Variants in CT55 observed in about 807,000 individuals in gnomAD.
CT55 encodes cancer/testis antigen 55, also known as BRCA2-interacting protein.
A neutral mutation model predicts 12.6 loss-of-function variants in CT55; 1 was observed. That is an observed-to-expected ratio of 0.08 (90% CI 0.03 to 0.38). The LOEUF (loss-of-function observed/expected upper bound fraction) is 0.38, where lower values mean the gene tolerates loss of function less well. Among genes scored for constraint, CT55 ranks in the 10% least tolerant of loss-of-function variants. The probability of loss-of-function intolerance (pLI) is 0.99; values close to 1 mark genes in which losing one functional copy is unlikely to be tolerated. For synonymous variants in CT55, 43 were observed against 49.7 expected, an observed-to-expected ratio of 0.87 and a Z score of 0.57; for missense variants, 109 against 135.4, an observed-to-expected ratio of 0.80 and a Z score of 0.97.
chrX:135,166,519 T>G (rs782709260), intron 2 of CT55, among the ~76,000 whole-genome samples: 91 of 111,821 alleles, frequency 8.1e-4, no homozygotes, highest in Non-Finnish European at 1.6e-3. Flanking sequence ...GGGGAAGTGT[T>G]GCAGGCTTTT....
At chrX:135,160,660 T>C (rs1309778499) in intron 2 of CT55, 105 bp from the exon 3 acceptor site, 4 of 902,829 alleles carry the variant, frequency 4.4e-6, no homozygotes, top group Non-Finnish European at 6.0e-6. Context: ...ACAGCCATCC[T>C]AAACACTGGA....
At chrX:135,171,506 C>T (rs1406000406), upstream of CT55, 4 of 189,353 alleles carry the variant, frequency 2.1e-5, no homozygotes, top group East Asian at 2.2e-4. Flanking sequence ...GTGGGAACAT[C>T]GTGGCTTCTC....
chrX:135,168,812 G>A (rs2083597856), intron 2 of CT55, among the ~76,000 whole-genome samples: 1 of 111,473 alleles, frequency 9.0e-6, no homozygotes, highest in African/African-American at 3.3e-5. Flanking sequence ...ATACTACAAG[G>A]GCTTCATACA....
intron 3 of CT55, among the ~76,000 whole-genome samples, chrX:135,159,354 G>A (rs1249286023): frequency 7.2e-5 from 8 of 110,790 alleles, no homozygotes; most frequent in African/African-American, 2.6e-4. Flanking sequence ...TTATCCATAT[G>A]CTTACACCAA....
chrX:135,160,614 A>G lies in CT55; in HGVS notation c.280-59T>C, dbSNP rs1221218829. On this transcript the variant is annotated intron_variant, in intron 2 of 5. Coordinates refer to ENST00000276241, the MANE Select transcript of CT55 (RefSeq NM_001031705.3). ...CAATACAAATTTAAACATGGAACTT[A>G]CATGATTAAAAGACTTGTATTCAAA... 2.7e-6 allele frequency: 3 copies of G among 1,109,258 alleles called. No homozygotes were observed. In the African/African-American group the frequency reaches 5.7e-5, roughly 21 times the overall value. 91.4% of individuals were successfully genotyped at this position (1,109,258 alleles called of 1,213,427 possible).
chrX:135,161,411 T>C (rs1182589148), intron 2 of CT55, among the ~76,000 whole-genome samples: 2 of 112,213 alleles, frequency 1.8e-5, no homozygotes, highest in African/African-American at 6.5e-5. Context: ...GTAACACTCA[T>C]CCTGATGTTT....
chrX:135,170,455 G>A (rs1472193426), intron 1 of CT55, among the ~76,000 whole-genome samples: 1 of 112,109 alleles, frequency 8.9e-6, no homozygotes, highest in Admixed American at 9.4e-5. Context: ...TCACCAACAT[G>A]ATGAGTAGCA....
intron 2 of CT55, among the ~76,000 whole-genome samples, chrX:135,167,246 G>T (rs1556406162): frequency 9.0e-6 from 1 of 111,492 alleles, no homozygotes; most frequent in Non-Finnish European, 1.9e-5. Flanking sequence ...TATAAAAACG[G>T]ACACATCAAC....
At chrX:135,163,539 G>A (rs1337052896) in intron 2 of CT55, among the ~76,000 whole-genome samples, 4 of 110,583 alleles carry the variant, frequency 3.6e-5, no homozygotes, top group Admixed American at 1.9e-4. Flanking sequence ...GGAAGGACAC[G>A]GAATGAAAAA....
intron 2 of CT55, among the ~76,000 whole-genome samples, chrX:135,161,542 A>G (rs1464012023): frequency 8.9e-6 from 1 of 112,362 alleles, no homozygotes; most frequent in African/African-American, 3.2e-5. Flanking sequence ...ACAAGAGAGG[A>G]CGGAAAGAGT....
At position 135,171,134 on chromosome X, in the gene CT55, C is replaced by T; in HGVS notation, c.38G>A (p.Gly13Glu). 8.3e-7 allele frequency: 1 copy of T among 1,211,604 alleles called. No homozygotes were observed. The highest frequency in any genetic ancestry group is 1.1e-6 in the Non-Finnish European group (1 of 895,413). The change falls in exon 1 of 6, where the codon GGG becomes GAG. Residue 13 changes from glycine to glutamate, a missense_variant. Transcript: ENST00000276241. Reference protein sequence around the residue: ...RLLRLALAFYGRTADPAERQG... With the variant: ...RLLRLALAFYERTADPAERQG... ...TCGCTCTGCAGGGTCGGCCGTCCTC[C>T]CGTAGAAGGCCAAAGCAAGTCTCAG...
At chrX:135,165,902 G>C in intron 2 of CT55, among the ~76,000 whole-genome samples, 1 of 108,636 alleles carries the variant, frequency 9.2e-6, no homozygotes, top group Non-Finnish European at 1.9e-5. Context: ...GACCATTAAT[G>C]AGTAAGGAAA....
At chrX:135,161,674 TA>T in intron 2 of CT55, among the ~76,000 whole-genome samples, 1 of 112,483 alleles carries the variant, frequency 8.9e-6, no homozygotes, top group South Asian at 3.7e-4. Context: ...GATAAAATCC[TA>T]GGGTTGGCAT....
upstream of CT55, among the ~76,000 whole-genome samples, chrX:135,171,607 C>T (rs782720265): frequency 6.5e-4 from 73 of 111,661 alleles, 1 homozygote; most frequent in African/African-American, 2.3e-3. Flanking sequence ...CAGGGCTCTT[C>T]TCTTGGGTTC....
chrX:135,160,519 G>C lies in CT55; in HGVS notation c.316C>G (p.Pro106Ala). The C allele has an allele frequency of 1.7e-6, 2 of 1,195,523 alleles. No homozygotes were observed. The highest frequency in any genetic ancestry group is 1.8e-5 in the African/African-American group (1 of 56,748). Residue 106 changes from proline to alanine, a missense_variant, in exon 3 of 6, where the codon CCC becomes GCC. Physicochemically the swap from Pro to Ala is conservative, Grantham distance 27 (BLOSUM62 -1). Transcript: ENST00000276241. ...AAAACTCTGGTTCCTGAGTCTGAGG[G>C]TCCAGCACCATAAAGATGGCGAGGC... ...VVPRHLYGAG[P>A]SDSGTRVLIG... is the part of the protein sequence containing the mutation.
At chrX:135,170,476 A>C (rs1484499638) in intron 1 of CT55, among the ~76,000 whole-genome samples, 1 of 111,960 alleles carries the variant, frequency 8.9e-6, no homozygotes, top group Non-Finnish European at 1.9e-5. Context: ...CCTTCTATAG[A>C]TACTTAACCA....
intron 2 of CT55, among the ~76,000 whole-genome samples, chrX:135,166,690 T>C (rs1395358311): frequency 9.0e-6 from 1 of 111,694 alleles, no homozygotes; most frequent in Non-Finnish European, 1.9e-5. Flanking sequence ...GGGAAGCTGT[T>C]ACTTATAAAT....
rs145998443 is a variant in CT55, at chrX:135,158,235, A to T, written c.501T>A (p.Thr167=). 8.5e-4 allele frequency: 1,024 copies of T among 1,205,574 alleles called. 4 individuals carry two copies. In the South Asian group the frequency reaches 9.6e-3, roughly 11 times the overall value. The part of the protein sequence containing the change: ...TEPGISNIKA[T]SVKPIRCIHT... ...GAATACAACGGATGGGCTTCACAGAAGTTGCCTTGATGTTTGAGATGCCTG... is the reference window on the plus strand; with the variant it reads ...GAATACAACGGATGGGCTTCACAGATGTTGCCTTGATGTTTGAGATGCCTG... The change falls in exon 4 of 6, where the codon ACT becomes ACA. Residue 167 remains threonine (T), a synonymous_variant. Transcript: ENST00000276241.
At chrX:135,159,507 C>T (rs1306308087) in intron 3 of CT55, among the ~76,000 whole-genome samples, 1 of 111,353 alleles carries the variant, frequency 9.0e-6, no homozygotes, top group Non-Finnish European at 1.9e-5. Context: ...GACTCATTTT[C>T]CCTCCACAAC....
Sources: gnomAD v4.1 joint callset for allele counts (sites outside exome capture counted in the v4.1 genomes callset) on GRCh38, gnomAD v4.1.1 for gene constraint, MANE v1.5 for transcripts, NCBI Gene and HGNC (gene_info 2026-07-23, HGNC 2026-07-21) for gene names.